Variants in PLCE1 observed in about 807,000 individuals in gnomAD.
PLCE1 encodes phospholipase C epsilon 1.
Under a neutral mutation model 242.8 loss-of-function variants are expected in PLCE1, and 119 were observed. The observed-to-expected ratio is 0.49, with a 90% CI of 0.42 to 0.57. The LOEUF (loss-of-function observed/expected upper bound fraction) is 0.57. PLCE1 is among the 20% of genes least tolerant of loss of function. The pLI, the probability that PLCE1 is intolerant of heterozygous loss-of-function variation, is 0.00. For missense variants in PLCE1, 2,441 were observed against 2,788.8 expected (o/e 0.88, Z 2.81); for synonymous variants, 945 against 1,017.4 (o/e 0.93, Z 1.35).
rs182714606 is a variant in PLCE1 at position 94,005,373 on chromosome 10, G to A, written c.-365+11115G>A. Among the ~76,000 whole-genome samples, 66 of 152,288 alleles carry A rather than the reference G, an allele frequency of 4.3e-4. 1 individual carries two copies. The highest frequency in any genetic ancestry group is 7.8e-4 in the Non-Finnish European group (53 of 68,028). On this transcript the variant is annotated intron_variant, in intron 1 of 32. Transcript: ENST00000371380. ...TGCTCTACTATTGATTTATGGCTTT[G>A]TTACTCGTTTTGAAATTAAGGACTT...
At chr10:94,313,698 T>C (rs1339103370) in intron 28 of PLCE1, among the ~76,000 whole-genome samples, 4 of 152,174 alleles carry the variant, frequency 2.6e-5, no homozygotes, top group Admixed American at 2.6e-4. Context: ...TCCAACCATA[T>C]ATACACTTTC....
chr10:94,076,132 C>CGTGTGTGT (rs747481933), intron 2 of PLCE1, among the ~76,000 whole-genome samples: 48 of 147,112 alleles, frequency 3.3e-4, no homozygotes, highest in Non-Finnish European at 6.0e-4. Context: ...TGTGTGCGTG[C>CGTGTGTGT]GTGTGTGTGT....
chr10:94,176,933 G>A (rs1019870039), intron 4 of PLCE1, among the ~76,000 whole-genome samples: 15 of 152,168 alleles, frequency 9.9e-5, no homozygotes, highest in African/African-American at 3.6e-4. Flanking sequence ...GAGATGGGAG[G>A]AATAGAGGGG....
intron 2 of PLCE1, among the ~76,000 whole-genome samples, chr10:94,053,424 A>AT (rs2043817184): frequency 6.6e-6 from 1 of 152,226 alleles, no homozygotes; most frequent in African/African-American, 2.4e-5. Flanking sequence ...CTGAGCAAAT[A>AT]TTTTGCACAT....
rs529201512 is a variant in PLCE1, at chr10:94,177,350, C to A, written c.1809+5854C>A. Among the ~76,000 whole-genome samples, 34 of 152,278 alleles carry A rather than the reference C, an allele frequency of 2.2e-4. No homozygotes were observed. The Middle Eastern group carries it at 0.017, about 76-fold the overall frequency. ...TCTCATGCCCTATTAGACTGTGATG[C>A]ACACACTAGAGAAACTTCTTAAAGG... On this transcript the variant is annotated intron_variant, in intron 4 of 32. Transcript: ENST00000371380.
intron 3 of PLCE1, among the ~76,000 whole-genome samples, chr10:94,143,000 GA>G (rs1012709543): frequency 7.9e-5 from 12 of 152,328 alleles, no homozygotes; most frequent in African/African-American, 2.4e-4. Context: ...ACAAATGGAG[GA>G]AATGGACAAA....
intron 1 of PLCE1, among the ~76,000 whole-genome samples, chr10:93,998,800 T>C (rs1354151883): frequency 6.6e-6 from 1 of 152,174 alleles, no homozygotes; most frequent in Admixed American, 6.5e-5. Context: ...CCTGTGAATA[T>C]GTTACTTTAC....
chr10:94,230,561 G>C (rs1424334008), intron 5 of PLCE1, among the ~76,000 whole-genome samples: 6 of 151,822 alleles, frequency 4.0e-5, no homozygotes, highest in African/African-American at 2.4e-5. Flanking sequence ...CTGACCTCAA[G>C]TGATCCACAC....
intron 4 of PLCE1, 119 bp from the exon 5 acceptor site, chr10:94,227,187 G>A (rs1193972513): frequency 8.5e-6 from 8 of 935,914 alleles, no homozygotes; most frequent in Non-Finnish European, 1.4e-5. Flanking sequence ...AGGACCTACA[G>A]GTCTTTCATT....
In PLCE1 at chr10:94,234,176, G is replaced by A. The variant is rs866040967; in HGVS notation, c.2078G>A (p.Arg693His). 1.1e-5 allele frequency: 17 copies of A among 1,614,060 alleles called. No homozygotes were observed. Among genetic ancestry groups the A allele is most frequent in the African/African-American group, 2.7e-5 (2 of 74,926 alleles). The change falls in exon 6 of 33, where the codon CGT (arginine) becomes CAT (histidine). Residue 693 changes from arginine to histidine, a missense_variant. Arg to His is a conservative substitution (Grantham distance 29). Around this residue, in one of 5 missense-constraint regions of PLCE1, gnomAD observed 733 missense variants for 754.2 expected, o/e 0.97. Transcript: ENST00000371380. ...SSCEYRKVVTRALHIPGCKVV... is the reference protein window; with the variant it reads ...SSCEYRKVVTHALHIPGCKVV... ...TGTGAGTACAGAAAGGTGGTGACAC[G>A]TGCCCTGCACATCCCTGGCTGTAAG...
rs77880482 is a variant in PLCE1 at position 94,131,975 on chromosome 10, T to G, written c.1207-199T>G. ...GCAGAGTTGTTTGAATGACCTATTTTATAACTACACAGAGCTTTTCCAAAT... is the reference window on the plus strand; with the variant it reads ...GCAGAGTTGTTTGAATGACCTATTTGATAACTACACAGAGCTTTTCCAAAT... On this transcript the variant is annotated intron_variant, in intron 2 of 32. Coordinates refer to ENST00000371380, the MANE Select transcript of PLCE1 (RefSeq NM_016341.4). Among the ~76,000 whole-genome samples the G allele has an allele frequency of 6.0e-4, 92 of 152,314 alleles. No homozygotes were observed. In the East Asian group the frequency reaches 0.012, roughly 19 times the overall value.
chr10:94,136,169 G>T (rs2046767506), intron 3 of PLCE1, among the ~76,000 whole-genome samples: 1 of 152,168 alleles, frequency 6.6e-6, no homozygotes, highest in African/African-American at 2.4e-5. Flanking sequence ...TCCCTTATAT[G>T]AAGTACTTAG....
At chr10:94,278,318 C>G (rs2052040054) in intron 19 of PLCE1, among the ~76,000 whole-genome samples, 1 of 152,172 alleles carries the variant, frequency 6.6e-6, no homozygotes, top group Admixed American at 6.5e-5. Flanking sequence ...TCACTAACCT[C>G]TAGCTGAAAT....
chr10:94,303,296 T>A (rs2053098909), intron 24 of PLCE1, among the ~76,000 whole-genome samples: 1 of 152,220 alleles, frequency 6.6e-6, no homozygotes, highest in Non-Finnish European at 1.5e-5. Flanking sequence ...TCATCAGGTG[T>A]GTCTCATCAA....
intron 1 of PLCE1, among the ~76,000 whole-genome samples, chr10:94,013,551 T>G (rs1190999489): frequency 6.6e-6 from 1 of 152,252 alleles, no homozygotes; most frequent in African/African-American, 2.4e-5. Context: ...CATTTATTTA[T>G]TCTACAAATA....
In PLCE1 at chr10:94,030,975, T is replaced by C; in HGVS notation, c.-72T>C. ...GAGATTGTTGTAATAATCAGTCATTTTATTAAAACCTTGACATGATCACCA... is the reference window on the plus strand; with the variant it reads ...GAGATTGTTGTAATAATCAGTCATTCTATTAAAACCTTGACATGATCACCA... On this transcript the variant is annotated 5_prime_UTR_variant, in exon 2 of 33. Transcript: ENST00000371380. 2.0e-6 allele frequency: 3 copies of C among 1,475,286 alleles called. No individual in the cohort carries two copies. In the South Asian group the frequency reaches 3.4e-5, roughly 17 times the overall value. The allele number at this position is 1,475,286 out of a possible 1,614,324, so 91.4% of individuals were successfully genotyped here.
At chr10:94,309,173 T>C (rs1477290604) in intron 27 of PLCE1, among the ~76,000 whole-genome samples, 1 of 152,212 alleles carries the variant, frequency 6.6e-6, no homozygotes, top group Non-Finnish European at 1.5e-5. Context: ...CAGGGGCAAA[T>C]GTCACAGGCA....
At chr10:94,006,504 T>G (rs2061040601) in intron 1 of PLCE1, among the ~76,000 whole-genome samples, 1 of 152,228 alleles carries the variant, frequency 6.6e-6, no homozygotes, top group East Asian at 1.9e-4. Context: ...CTAGCCATTC[T>G]CAGCCTCAGT....
At chr10:94,266,255 C>T (rs1166671797) in intron 16 of PLCE1, among the ~76,000 whole-genome samples, 5 of 152,186 alleles carry the variant, frequency 3.3e-5, no homozygotes, top group East Asian at 1.9e-4. Context: ...CCTACTCCCA[C>T]TAAAATTAGA....
Sources: allele counts gnomAD v4.1 joint callset (sites outside exome capture counted in the v4.1 genomes callset), GRCh38; gene constraint gnomAD v4.1.1; regional missense constraint gnomAD v4.1.1; transcripts MANE v1.5; gene names NCBI Gene and HGNC (gene_info 2026-07-23, HGNC 2026-07-21).